CSNK1G3: variants seen among roughly 807,000 people sequenced by gnomAD.
The protein encoded by CSNK1G3 is casein kinase 1 gamma 3, also known as casein kinase I isoform gamma-3.
Under a neutral mutation model 64.3 loss-of-function variants are expected in CSNK1G3, and 23 were observed. The ratio of observed to expected loss-of-function variants is 0.36; its 90% CI spans 0.26 to 0.51. The LOEUF (loss-of-function observed/expected upper bound fraction) is 0.51. CSNK1G3 is among the 20% of genes least tolerant of loss of function. The pLI is 0.96. For synonymous variants in CSNK1G3, 158 were observed against 162.2 expected, an observed-to-expected ratio of 0.97 and a Z score of 0.20; for missense variants, 357 against 510.5, an observed-to-expected ratio of 0.70 and a Z score of 2.90.
At chr5:123,516,495 T>A (rs1461237020) in intron 1 of CSNK1G3, among the ~76,000 whole-genome samples, 1 of 152,186 alleles carries the variant, frequency 6.6e-6, no homozygotes, top group Non-Finnish European at 1.5e-5. Context: ...TGGGCTTCCC[T>A]TCTATTATGA....
At chr5:123,603,267 A>G (rs1008357302) in intron 10 of CSNK1G3, among the ~76,000 whole-genome samples, 3 of 152,150 alleles carry the variant, frequency 2.0e-5, no homozygotes, top group Admixed American at 6.6e-5. Flanking sequence ...GGTGAGTTAT[A>G]TATTTTTTTT....
At chr5:123,597,155 A>G (rs536888940) in intron 10 of CSNK1G3, among the ~76,000 whole-genome samples, 34 of 152,268 alleles carry the variant, frequency 2.2e-4, no homozygotes, top group Admixed American at 3.9e-4. Flanking sequence ...GGAGGAGAGA[A>G]AGAGAAAAAA....
At chr5:123,593,898 G>A (rs1792914700) in intron 10 of CSNK1G3, among the ~76,000 whole-genome samples, 1 of 152,070 alleles carries the variant, frequency 6.6e-6, no homozygotes, top group Admixed American at 6.6e-5. Flanking sequence ...ACTCCAATAT[G>A]CTTGGCACTT....
chr5:123,562,344 TCTC>T (rs1785917869), intron 4 of CSNK1G3, among the ~76,000 whole-genome samples: 1 of 152,130 alleles, frequency 6.6e-6, no homozygotes, highest in Non-Finnish European at 1.5e-5. Flanking sequence ...ATGTCTGTCT[TCTC>T]CACTGAATTT....
chr5:123,542,887 T>TGTGTGTG (rs1554070088), intron 1 of CSNK1G3, among the ~76,000 whole-genome samples: 3 of 150,552 alleles, frequency 2.0e-5, no homozygotes, highest in Admixed American at 1.3e-4. Context: ...TGTGTGTGTG[T>TGTGTGTG]TTACCAAATT....
At chr5:123,573,281 A>T in intron 4 of CSNK1G3, 112 bp from the exon 5 acceptor site, 1 of 1,102,650 alleles carries the variant, frequency 9.1e-7, no homozygotes, top group Non-Finnish European at 1.3e-6. Context: ...GGAAAAAGTG[A>T]TAGTACTGCT....
At chr5:123,541,151 A>C (rs1181410069) in intron 1 of CSNK1G3, among the ~76,000 whole-genome samples, 2 of 152,190 alleles carry the variant, frequency 1.3e-5, no homozygotes, top group East Asian at 3.9e-4. Context: ...GATTACTGAA[A>C]TCATGCTATT....
chr5:123,570,351 T>C (rs1490389186), intron 4 of CSNK1G3, among the ~76,000 whole-genome samples: 1 of 150,320 alleles, frequency 6.7e-6, no homozygotes, highest in Non-Finnish European at 1.5e-5. Flanking sequence ...CCTTTCTTTT[T>C]TTTTTTTTTT....
At chr5:123,571,922 A>G (rs777545012) in intron 4 of CSNK1G3, among the ~76,000 whole-genome samples, 7 of 152,328 alleles carry the variant, frequency 4.6e-5, no homozygotes, top group East Asian at 3.9e-4. Flanking sequence ...GGGCATTACA[A>G]TGGGAATATA....
At chr5:123,524,140 G>A (rs1479316658) in intron 1 of CSNK1G3, among the ~76,000 whole-genome samples, 1 of 152,118 alleles carries the variant, frequency 6.6e-6, no homozygotes, top group Non-Finnish European at 1.5e-5. Context: ...CTTTTTTCTT[G>A]TAAATATATA....
intron 1 of CSNK1G3, among the ~76,000 whole-genome samples, chr5:123,527,130 T>C (rs185722218): frequency 8.8e-4 from 134 of 152,298 alleles, no homozygotes; most frequent in Non-Finnish European, 1.7e-3. Flanking sequence ...AGTAATATCC[T>C]GAATGTGATA....
chr5:123,558,468 G>A (rs1785043618), intron 4 of CSNK1G3, among the ~76,000 whole-genome samples: 1 of 152,068 alleles, frequency 6.6e-6, no homozygotes, highest in African/African-American at 2.4e-5. Flanking sequence ...ACAGGTAGAG[G>A]AATTTTGTTT....
At chr5:123,520,495 G>T (rs998283240) in intron 1 of CSNK1G3, among the ~76,000 whole-genome samples, 4 of 147,986 alleles carry the variant, frequency 2.7e-5, no homozygotes, top group Non-Finnish European at 4.5e-5. Context: ...TTTTTTTTGA[G>T]GGGGGTAGAA....
chr5:123,532,238 G>A (rs148071623), intron 1 of CSNK1G3, among the ~76,000 whole-genome samples: 11 of 151,774 alleles, frequency 7.2e-5, no homozygotes, highest in African/African-American at 2.4e-4. Flanking sequence ...GCTTTGAATG[G>A]GTACTGAAAC....
chr5:123,610,987 TAAATA>T (rs1301029431), intron 12 of CSNK1G3, among the ~76,000 whole-genome samples: 2 of 152,106 alleles, frequency 1.3e-5, no homozygotes, highest in Non-Finnish European at 2.9e-5. Context: ...AGATAATAAA[TAAATA>T]AAATAATTTC....
At chr5:123,531,716 A>G (rs1475454698) in intron 1 of CSNK1G3, among the ~76,000 whole-genome samples, 1 of 151,964 alleles carries the variant, frequency 6.6e-6, no homozygotes, top group African/African-American at 2.4e-5. Context: ...AGTTGTAAAT[A>G]TTTTATTACC....
At chr5:123,608,693 A>G (rs1000269927) in intron 12 of CSNK1G3, among the ~76,000 whole-genome samples, 1 of 152,104 alleles carries the variant, frequency 6.6e-6, no homozygotes, top group Non-Finnish European at 1.5e-5. Context: ...CTCAACCTTG[A>G]TTTCACATTA....
intron 2 of CSNK1G3, among the ~76,000 whole-genome samples, chr5:123,546,179 A>G (rs1272733823): frequency 1.3e-5 from 2 of 152,156 alleles, no homozygotes; most frequent in Non-Finnish European, 2.9e-5. Flanking sequence ...TTCAGATTCA[A>G]AAATGTTTAG....
intron 10 of CSNK1G3, among the ~76,000 whole-genome samples, chr5:123,594,159 C>T (rs1792971260): frequency 6.6e-6 from 1 of 152,080 alleles, no homozygotes; most frequent in Non-Finnish European, 1.5e-5. Flanking sequence ...GCAGCTAATT[C>T]AGAACCAAAC....
Sources: allele counts gnomAD v4.1 joint callset (sites outside exome capture counted in the v4.1 genomes callset), GRCh38; gene constraint gnomAD v4.1.1; transcripts MANE v1.5; gene names NCBI Gene and HGNC (gene_info 2026-07-23, HGNC 2026-07-21).